Variants in ATXN2 observed in about 807,000 individuals in gnomAD.
ATXN2 encodes ataxin 2, also known as ataxin-2.
A neutral mutation model predicts 138.6 loss-of-function variants in ATXN2; 37 were observed. The ratio of observed to expected loss-of-function variants is 0.27; its 90% confidence interval spans 0.21 to 0.35. The LOEUF (loss-of-function observed/expected upper bound fraction) is 0.35. Among genes scored for constraint, ATXN2 ranks in the 10% least tolerant of loss-of-function variants. The probability of loss-of-function intolerance (pLI) is 1.00; values close to 1 mark genes in which losing one functional copy is unlikely to be tolerated. For synonymous variants in ATXN2, 549 were observed against 543.7 expected (o/e 1.01, Z -0.13); for missense variants, 1,216 against 1,480.3 (o/e 0.82, Z 2.93).
At chr12:111,556,739 C>T (rs1037598560) in intron 1 of ATXN2, among the ~76,000 whole-genome samples, 1 of 151,478 alleles carries the variant, frequency 6.6e-6, no homozygotes, top group Non-Finnish European at 1.5e-5. Context: ...TCGCCTGAAC[C>T]TGGGAGGTGG....
At chr12:111,576,143 C>T (rs1203672446) in intron 1 of ATXN2, among the ~76,000 whole-genome samples, 4 of 133,920 alleles carry the variant, frequency 3.0e-5, no homozygotes, top group African/African-American at 1.3e-4. Context: ...AACATCACAC[C>T]AAACCAAACC....
intron 6 of ATXN2, among the ~76,000 whole-genome samples, chr12:111,521,720 C>A (rs962841909): frequency 6.6e-6 from 1 of 152,178 alleles, no homozygotes; most frequent in African/African-American, 2.4e-5. Flanking sequence ...TACGAGGAAA[C>A]TATAGGAAAT....
In ATXN2 at chr12:111,518,236, T is replaced by G; in HGVS notation, c.1165+13A>C. ...TTATCAATGATATTGACAAGTCTGG[T>G]CAAAATACTTGCCTCCATTAACTAC... On this transcript the variant is annotated intron_variant, in intron 9 of 24. Coordinates refer to ENST00000673436, the MANE Select transcript of ATXN2 (RefSeq NM_001372574.1). The G allele has an allele frequency of 3.2e-6, 5 of 1,561,560 alleles. No individual in the cohort carries two copies. The highest frequency in any genetic ancestry group is 4.4e-6 in the Non-Finnish European group (5 of 1,147,046).
chr12:111,453,959 A>T lies in ATXN2; in HGVS notation c.3271-114T>A. ...TCAGGAAAGGGCAACGGTGGGCCTC[A>T]GGGCCCAGTTCTGTTCTCTGGGGAC... On this transcript the variant is annotated intron_variant, in intron 23 of 24. Coordinates refer to ENST00000673436, the MANE Select transcript of ATXN2 (RefSeq NM_001372574.1). The surrounding 1 kb of genome is among the most constrained non-coding windows in gnomAD (Gnocchi z 5.4). The T allele has an allele frequency of 1.6e-5, 17 of 1,034,404 alleles. No individual in the cohort carries two copies. Among genetic ancestry groups the T allele is most frequent in the East Asian group, 2.5e-5 (1 of 39,956 alleles). The allele number at this position is 1,034,404 out of a possible 1,614,324, so 64.1% of individuals were successfully genotyped here.
chr12:111,573,738 G>A (rs1193872396), intron 1 of ATXN2, among the ~76,000 whole-genome samples: 1 of 152,076 alleles, frequency 6.6e-6, no homozygotes, highest in Non-Finnish European at 1.5e-5. Context: ...AGATATACAA[G>A]TAATGCTCTT....
intron 1 of ATXN2, among the ~76,000 whole-genome samples, chr12:111,585,218 G>A (rs553445420): frequency 6.6e-6 from 1 of 152,164 alleles, no homozygotes; most frequent in East Asian, 1.9e-4. Flanking sequence ...TAAACTTACA[G>A]TCAAAACTCC....
chr12:111,568,584 A>G (rs1883142836), intron 1 of ATXN2, among the ~76,000 whole-genome samples: 2 of 152,290 alleles, frequency 1.3e-5, no homozygotes, highest in South Asian at 2.1e-4. Flanking sequence ...CCCTTCCAGT[A>G]AAACTGTAAG....
intron 21 of ATXN2, among the ~76,000 whole-genome samples, chr12:111,463,241 C>T (rs1201448595): frequency 6.6e-6 from 1 of 152,172 alleles, no homozygotes; most frequent in African/African-American, 2.4e-5. Context: ...TAAAGGATTT[C>T]TACAAATATT....
At chr12:111,582,360 T>C (rs998877974) in intron 1 of ATXN2, among the ~76,000 whole-genome samples, 2 of 151,728 alleles carry the variant, frequency 1.3e-5, no homozygotes, top group African/African-American at 4.8e-5. Context: ...GCAGAACTGC[T>C]TGAACTCGGG....
At chr12:111,501,881 T>G (rs770174258) in intron 14 of ATXN2, among the ~76,000 whole-genome samples, 22 of 151,034 alleles carry the variant, frequency 1.5e-4, no homozygotes, top group Non-Finnish European at 2.9e-4. Context: ...CATTTCTTAC[T>G]ATGGGTTGGA....
intron 5 of ATXN2, among the ~76,000 whole-genome samples, chr12:111,544,620 G>A (rs543680171): frequency 1.3e-5 from 2 of 152,258 alleles, no homozygotes; most frequent in Admixed American, 1.3e-4. Context: ...GGCAAGAGCA[G>A]CAGGCAAAGA....
intron 5 of ATXN2, among the ~76,000 whole-genome samples, chr12:111,549,004 G>A (rs1592890067): frequency 6.6e-6 from 1 of 152,082 alleles, no homozygotes; most frequent in East Asian, 1.9e-4. Context: ...ACAGGAGTGA[G>A]CCACCGCACC....
intron 18 of ATXN2, among the ~76,000 whole-genome samples, chr12:111,478,076 G>A (rs12300465): frequency 0.1 from 15,547 of 151,826 alleles, 2,661 homozygotes; most frequent in African/African-American, 0.35. Flanking sequence ...AATTACAGGC[G>A]TGAGCCAGTG....
At chr12:111,595,521 A>G (rs1432720273) in intron 1 of ATXN2, among the ~76,000 whole-genome samples, 1 of 151,938 alleles carries the variant, frequency 6.6e-6, no homozygotes, top group African/African-American at 2.4e-5. Context: ...ACATTCCTGT[A>G]GCCCCAGCTA....
intron 21 of ATXN2, chr12:111,458,125 T>C (rs1414459590): frequency 6.6e-6 from 1 of 152,202 alleles, no homozygotes; most frequent in Non-Finnish European, 1.5e-5. Context: ...ACAAAAACCA[T>C]TTCTTCATGT....
At chr12:111,512,630 G>A (rs1879606504) in intron 11 of ATXN2, 1 of 151,750 alleles carries the variant, frequency 6.6e-6, no homozygotes, top group Non-Finnish European at 1.5e-5. Flanking sequence ...AATTTTTTTT[G>A]TACTTTTAGT....
chr12:111,480,322 T>G (rs1877137335), intron 18 of ATXN2, among the ~76,000 whole-genome samples: 1 of 152,214 alleles, frequency 6.6e-6, no homozygotes, highest in African/African-American at 2.4e-5. Context: ...TAAATTGGAT[T>G]CACATTTTAT....
chr12:111,453,879 A>T lies in ATXN2; in HGVS notation c.3271-34T>A, dbSNP rs1456674931. ...GAGAGCTCTTTTACGCATACAGGCA[A>T]CATCTCCGGCTTCAACAACATGTCA... On this transcript the variant is annotated intron_variant, in intron 23 of 24. Coordinates refer to ENST00000673436, the MANE Select transcript of ATXN2 (RefSeq NM_001372574.1). The surrounding 1 kb of genome is among the most constrained non-coding windows in gnomAD (Gnocchi z 5.4). The T allele has an allele frequency of 4.5e-6, 7 of 1,572,802 alleles. No homozygotes were observed. Among genetic ancestry groups the T allele is most frequent in the Non-Finnish European group, 6.1e-6 (7 of 1,155,118 alleles).
At chr12:111,584,785 G>T (rs941601228) in intron 1 of ATXN2, among the ~76,000 whole-genome samples, 3 of 151,778 alleles carry the variant, frequency 2.0e-5, no homozygotes, top group Non-Finnish European at 2.9e-5. Flanking sequence ...GACCAACATG[G>T]AGAAACCCCA....
Sources: allele counts gnomAD v4.1 joint callset (sites outside exome capture counted in the v4.1 genomes callset), GRCh38; gene constraint gnomAD v4.1.1; non-coding constraint Gnocchi (gnomAD v3.1); transcripts MANE v1.5; gene names NCBI Gene and HGNC (gene_info 2026-07-23, HGNC 2026-07-21).